The following TMEM63C variants were observed in gnomAD, a reference collection of about 807,000 sequenced individuals.
TMEM63C encodes osmosensitive cation channel TMEM63C.
A neutral mutation model predicts 99.2 loss-of-function variants in TMEM63C; 32 were observed. The ratio of observed to expected loss-of-function variants is 0.32; its 90% CI spans 0.24 to 0.43. The LOEUF (loss-of-function observed/expected upper bound fraction) is 0.43. TMEM63C is among the 20% of genes least tolerant of loss of function. The pLI, the probability that TMEM63C is intolerant of heterozygous loss-of-function variation, is 1.00. For missense variants in TMEM63C, 826 were observed against 1,053.0 expected, an observed-to-expected ratio of 0.78 and a Z score of 2.98; for synonymous variants, 376 against 397.9, an observed-to-expected ratio of 0.94 and a Z score of 0.66.
intron 17 of TMEM63C, 34 bp downstream of exon 17, chr14:77,246,060 C>G: frequency 6.5e-7 from 1 of 1,531,012 alleles, no homozygotes; most frequent in Non-Finnish European, 9.1e-7. Context: ...TCCTTCTTAG[C>G]CAGGCTCTCT....
At chr14:77,206,468 A>G (rs1273976155) in intron 1 of TMEM63C, among the ~76,000 whole-genome samples, 1 of 152,224 alleles carries the variant, frequency 6.6e-6, no homozygotes, top group Admixed American at 6.5e-5. Context: ...TTTGGCTTCG[A>G]TGATGCACCA....
In TMEM63C at chr14:77,253,180, A is replaced by C. The variant is rs1889399517; in HGVS notation, c.2149-125A>C. The C allele has an allele frequency of 7.1e-6, 6 of 842,386 alleles. No homozygotes were observed. The South Asian group carries it at 7.4e-5, about 10-fold the overall frequency. The allele number at this position is 842,386 out of a possible 1,614,324, so 52.2% of individuals were successfully genotyped here. The stretch of plus-strand genomic sequence containing the variant: ...AGTCTTGCCAGGCTGAAGGTCTGGA[A>C]AGACAGAAGATGAGTTGAGTTCCAA... On this transcript the variant is annotated intron_variant, in intron 22 of 23. Transcript: ENST00000298351.
intron 10 of TMEM63C, 68 bp downstream of exon 10, chr14:77,238,835 T>G: frequency 7.7e-7 from 1 of 1,300,970 alleles, no homozygotes; most frequent in Non-Finnish European, 1.1e-6. Context: ...GGTCCTCAAG[T>G]GGGTAGTGAG....
chr14:77,220,150 C>T, intron 5 of TMEM63C, 63 bp downstream of exon 5: 1 of 1,461,062 alleles, frequency 6.8e-7, no homozygotes. Flanking sequence ...GCGTGGTGTG[C>T]ACAGGAAGAA....
chr14:77,230,723 C>CT (rs1888923507), intron 6 of TMEM63C, among the ~76,000 whole-genome samples: 1 of 133,758 alleles, frequency 7.5e-6, no homozygotes, highest in Admixed American at 8.1e-5. Context: ...AAATTATCTG[C>CT]CCCCCCACCA....
chr14:77,246,539 G>T, intron 17 of TMEM63C, 70 bp from the exon 18 acceptor site: 12 of 1,343,108 alleles, frequency 8.9e-6, no homozygotes, highest in Non-Finnish European at 1.3e-5. Context: ...GGGCAAGGGA[G>T]GATGGTTGAA....
chr14:77,254,339 C>CA (rs1291773702), intron 23 of TMEM63C, among the ~76,000 whole-genome samples: 1 of 152,150 alleles, frequency 6.6e-6, no homozygotes, highest in African/African-American at 2.4e-5. Context: ...GACAAAACAC[C>CA]AGCAAGTGGA....
intron 7 of TMEM63C, among the ~76,000 whole-genome samples, chr14:77,232,782 A>G (rs1426590405): frequency 6.6e-6 from 1 of 152,232 alleles, no homozygotes; most frequent in African/African-American, 2.4e-5. Flanking sequence ...AAGACTGTAC[A>G]ACTGGGTGGT....
intron 1 of TMEM63C, among the ~76,000 whole-genome samples, chr14:77,211,813 C>T (rs1888501564): frequency 6.6e-6 from 1 of 152,222 alleles, no homozygotes; most frequent in Non-Finnish European, 1.5e-5. Context: ...AAGAGGGCCA[C>T]ACACTCTCCC....
chr14:77,219,253 G>A (rs1166743529), intron 3 of TMEM63C, among the ~76,000 whole-genome samples: 1 of 152,182 alleles, frequency 6.6e-6, no homozygotes, highest in Non-Finnish European at 1.5e-5. Context: ...TGGTCCCATA[G>A]ATCTGAACAT....
At chr14:77,232,277 T>TTTTA (rs1888956934) in intron 7 of TMEM63C, among the ~76,000 whole-genome samples, 1 of 152,022 alleles carries the variant, frequency 6.6e-6, no homozygotes, top group Non-Finnish European at 1.5e-5. Context: ...TTATTTTATA[T>TTTTA]TTTATTTATT....
At chr14:77,249,653 G>A (rs1566631758) in intron 21 of TMEM63C, among the ~76,000 whole-genome samples, 195 bp downstream of exon 21, 2 of 152,210 alleles carry the variant, frequency 1.3e-5, no homozygotes, top group African/African-American at 4.8e-5. Context: ...AGGCTAAGAG[G>A]AGGCCCTGGA....
intron 5 of TMEM63C, among the ~76,000 whole-genome samples, chr14:77,224,018 C>T (rs1201733526): frequency 6.6e-6 from 1 of 152,066 alleles, no homozygotes; most frequent in Non-Finnish European, 1.5e-5. Context: ...CTGCTGCTGC[C>T]ACCACCATGC....
chr14:77,185,423 A>C (rs1887979952), intron 1 of TMEM63C, among the ~76,000 whole-genome samples: 1 of 152,040 alleles, frequency 6.6e-6, no homozygotes, highest in Admixed American at 6.5e-5. Context: ...CCTTCTCCTC[A>C]CTCTGGCTGA....
intron 23 of TMEM63C, among the ~76,000 whole-genome samples, chr14:77,255,959 C>A (rs1478132271): frequency 6.6e-6 from 1 of 152,198 alleles, no homozygotes; most frequent in Non-Finnish European, 1.5e-5. Flanking sequence ...GGTTTAAGAG[C>A]CACTTCAGAG....
intron 1 of TMEM63C, among the ~76,000 whole-genome samples, chr14:77,205,865 C>A (rs10139759): frequency 0.037 from 5,562 of 152,160 alleles, 380 homozygotes; most frequent in African/African-American, 0.13. Flanking sequence ...CTTTAGATCT[C>A]CACCCCTGCT....
intron 6 of TMEM63C, among the ~76,000 whole-genome samples, chr14:77,225,810 A>G (rs1888810217): frequency 6.6e-6 from 1 of 152,036 alleles, no homozygotes; most frequent in African/African-American, 2.4e-5. Context: ...TGTGAACATC[A>G]TTCAACATAT....
intron 12 of TMEM63C, among the ~76,000 whole-genome samples, 164 bp downstream of exon 12, chr14:77,239,890 G>A (rs1263318840): frequency 6.6e-6 from 1 of 152,186 alleles, no homozygotes; most frequent in East Asian, 1.9e-4. Flanking sequence ...CTGCCTCCCT[G>A]TTGAGATGGG....
intron 1 of TMEM63C, among the ~76,000 whole-genome samples, chr14:77,194,497 C>CTT (rs56136475): frequency 0.69 from 78,880 of 114,470 alleles, 25,425 homozygotes; most frequent in East Asian, 0.89. Context: ...TTTCTTTTTT[C>CTT]TTTCTTTCTT....
Sources: gnomAD v4.1 joint callset for allele counts (sites outside exome capture counted in the v4.1 genomes callset) on GRCh38, gnomAD v4.1.1 for gene constraint, MANE v1.5 for transcripts, NCBI Gene and HGNC (gene_info 2026-07-23, HGNC 2026-07-21) for gene names.